COL9A2: variants seen among roughly 807,000 people sequenced by gnomAD.
COL9A2 encodes the protein collagen type IX alpha 2 chain.
Under a neutral mutation model 111.6 loss-of-function variants are expected in COL9A2, and 66 were observed. That is an observed-to-expected ratio of 0.59 (90% CI 0.48 to 0.73). COL9A2 has a LOEUF of 0.73. Among genes scored for constraint, COL9A2 ranks in the 30% least tolerant of loss-of-function variants. The pLI is 0.00. For missense variants in COL9A2, 881 were observed against 954.1 expected (o/e 0.92, Z 1.01); for synonymous variants, 353 against 364.1 (o/e 0.97, Z 0.35).
At position 40,311,355 on chromosome 1, in the gene COL9A2, G is replaced by A. The variant is rs1162795163; in HGVS notation, c.520-69C>T. Reference sequence around the variant, plus strand: ...GTGCGCCCCCATCTCTCCAAGCCCCGTGCTCTCCTCCGCCTCACCTGGTGG... The same window carrying A: ...GTGCGCCCCCATCTCTCCAAGCCCCATGCTCTCCTCCGCCTCACCTGGTGG... On this transcript the variant is annotated intron_variant, in intron 10 of 31. Transcript: ENST00000372748. The surrounding 1 kb of genome is among the most constrained non-coding windows in gnomAD (Gnocchi z 5.1). The A allele has an allele frequency of 6.9e-6, 11 of 1,584,696 alleles. No homozygotes were observed. Among genetic ancestry groups the A allele is most frequent in the Middle Eastern group, 1.7e-4 (1 of 5,796 alleles).
chr1:40,304,889 G>T lies in COL9A2; in HGVS notation c.1108-42C>A, dbSNP rs975293036. ...TTGGGGCTAAGCGTTTGACCTGGTG[G>T]AACCCACCCTTCCACACCTGGCCAG... On this transcript the variant is annotated intron_variant, in intron 21 of 31. Transcript: ENST00000372748. 8.5e-6 allele frequency: 13 copies of T among 1,530,544 alleles called. No individual in the cohort carries two copies. In the Admixed American group the frequency reaches 2.6e-4, roughly 30 times the overall value. 94.8% of individuals were successfully genotyped at this position (1,530,544 alleles called of 1,614,324 possible).
In COL9A2 at chr1:40,312,742, G is replaced by T; in HGVS notation, c.292C>A (p.Pro98Thr). ...AKGEPGPMGI[P>T]GVKGQPGLPG... ...AGCAGGCCCCTTACCTTGACTCCAG[G>T]GATCCCCATGGGGCCAGGCTCCCCC... Residue 98 changes from proline (P) to threonine (T), a missense_variant, in exon 5 of 32, where the codon CCT becomes ACT. By Grantham distance (38) the Pro-to-Thr change is conservative (BLOSUM62 -1). Coordinates refer to ENST00000372748, the MANE Select transcript of COL9A2 (RefSeq NM_001852.4). The surrounding 1 kb of genome is among the most constrained non-coding windows in gnomAD (Gnocchi z 6.0). 6.4e-7 allele frequency: 1 copy of T among 1,553,684 alleles called. No homozygotes were observed. The highest frequency in any genetic ancestry group is 2.4e-5 in the East Asian group (1 of 41,166).
chr1:40,303,709 G>A lies in COL9A2; in HGVS notation c.1402-33C>T. On this transcript the variant is annotated intron_variant, in intron 27 of 31. Transcript: ENST00000372748. This position sits in a 1 kb window ranked among gnomAD's most constrained non-coding sequence, Gnocchi z 4.6. ...GGGATGGGGGTGGGAGCAGAGCCGG[G>A]TGAGAAGGCGCCCGGGTGGGCGAGA... 1 of 1,546,882 alleles carries A rather than the reference G, an allele frequency of 6.5e-7. No homozygotes were observed. Among genetic ancestry groups the A allele is most frequent in the Non-Finnish European group, 8.7e-7 (1 of 1,145,328 alleles).
intron 1 of COL9A2, 53 bp from the exon 2 acceptor site, chr1:40,315,717 C>T: frequency 7.2e-7 from 1 of 1,379,754 alleles, no homozygotes; most frequent in South Asian, 1.3e-5. Flanking sequence ...GGAAGCTGGG[C>T]GTCCCCGGGG....
rs1322708706 is a variant in COL9A2, at chr1:40,303,130, C to T, written c.1603+1G>A. 5.0e-6 allele frequency: 8 copies of T among 1,612,400 alleles called. No individual in the cohort carries two copies. Among genetic ancestry groups the T allele is most frequent in the Non-Finnish European group, 6.8e-6 (8 of 1,179,488 alleles). On this transcript the variant is annotated splice_donor_variant, in intron 29 of 31. Transcript: ENST00000372748. LOFTEE classifies it high-confidence loss of function. This position sits in a 1 kb window ranked among gnomAD's most constrained non-coding sequence, Gnocchi z 4.6. ...TGTGAGGAGGGGTTGCTGCCCCTCA[C>T]CTTGCAGCATCTTCAGCGCCACATC...
In COL9A2 at chr1:40,303,257, G is replaced by A. The variant is rs1643944576; in HGVS notation, c.1549-72C>T. 5.5e-6 allele frequency: 8 copies of A among 1,450,964 alleles called. No homozygotes were observed. The South Asian group carries it at 8.4e-5, about 15-fold the overall frequency. 89.9% of individuals were successfully genotyped at this position (1,450,964 alleles called of 1,614,324 possible). On this transcript the variant is annotated intron_variant, in intron 28 of 31. Coordinates refer to ENST00000372748, the MANE Select transcript of COL9A2 (RefSeq NM_001852.4). The surrounding 1 kb of genome is among the most constrained non-coding windows in gnomAD (Gnocchi z 4.6). The stretch of plus-strand genomic sequence containing the variant: ...CACCGCTCCTATCCCACCTGGCTGA[G>A]CGTGAGGCCGCCATGGAGGAGACTC...
Position 40,314,891 on chromosome 1 carries a change from C to A in COL9A2, c.151-504G>T, listed in dbSNP as rs1467053485. 6.6e-6 allele frequency among the ~76,000 whole-genome samples: 1 copy of A among 152,134 alleles called. No homozygotes were observed. Among genetic ancestry groups the A allele is most frequent in the East Asian group, 1.9e-4 (1 of 5,178 alleles). On this transcript the variant is annotated intron_variant, in intron 2 of 31. Transcript: ENST00000372748. The surrounding 1 kb of genome is among the most constrained non-coding windows in gnomAD (Gnocchi z 4.1). ...TCAGTGTTCCCAAGGAGGGAAGGAC[C>A]TCCTTCCAGTGCCAAAGGACCCTTG... is the stretch of plus-strand genomic sequence containing the variant.
chr1:40,307,590 C>T lies in COL9A2; in HGVS notation c.955-91G>A. The T allele has an allele frequency of 6.3e-7, 1 of 1,588,394 alleles. No homozygotes were observed. Among genetic ancestry groups the T allele is most frequent in the Non-Finnish European group, 8.6e-7 (1 of 1,160,534 alleles). On this transcript the variant is annotated intron_variant, in intron 18 of 31. Transcript: ENST00000372748. The surrounding 1 kb of genome is among the most constrained non-coding windows in gnomAD (Gnocchi z 4.8). The stretch of plus-strand genomic sequence containing the variant: ...AGATGCAGGTAGGGAAACTGAGATC[C>T]AGAGGCAAGAAAGGGCATGTCCATG...
chr1:40,304,536 T>C lies in COL9A2; in HGVS notation c.1162-7A>G, dbSNP rs557381059. ...CCCTCTCGCCTTGGTCACCCTGAAA[T>C]GGAAAGAGAAGGTCACAACCTCAGC... On this transcript the variant is annotated splice_region_variant and splice_polypyrimidine_tract_variant and intron_variant, in intron 22 of 31. Transcript: ENST00000372748. 36 of 1,614,086 alleles carry C rather than the reference T, an allele frequency of 2.2e-5. No individual in the cohort carries two copies. The South Asian group carries it at 3.8e-4, about 17-fold the overall frequency.
chr1:40,310,366 A>G lies in COL9A2; in HGVS notation c.685-49T>C, dbSNP rs1291223358. Reference sequence around the variant, plus strand: ...CAATGGCAATTGCAAGGCCCACTTCATGATACCTTGTCTGATGCCCACCTT... The same window carrying G: ...CAATGGCAATTGCAAGGCCCACTTCGTGATACCTTGTCTGATGCCCACCTT... On this transcript the variant is annotated intron_variant, in intron 13 of 31. Transcript: ENST00000372748. The surrounding 1 kb of genome is among the most constrained non-coding windows in gnomAD (Gnocchi z 4.9). The G allele has an allele frequency of 6.3e-7, 1 of 1,581,714 alleles. No individual in the cohort carries two copies. The highest frequency in any genetic ancestry group is 1.1e-5 in the South Asian group (1 of 90,470).
At position 40,310,966 on chromosome 1, in the gene COL9A2, C is replaced by A; in HGVS notation, c.630+127G>T. On this transcript the variant is annotated intron_variant, in intron 12 of 31. Transcript: ENST00000372748. This position sits in a 1 kb window ranked among gnomAD's most constrained non-coding sequence, Gnocchi z 4.9. ...CATGCCGACCTGGAGCACAGGCCTCCAGCCCCCGGCTCAAGGCTCTGTCCC... is the reference window on the plus strand; with the variant it reads ...CATGCCGACCTGGAGCACAGGCCTCAAGCCCCCGGCTCAAGGCTCTGTCCC... 2.3e-6 allele frequency: 3 copies of A among 1,327,808 alleles called. No homozygotes were observed. In the South Asian group the frequency reaches 3.6e-5, roughly 16 times the overall value. 82.3% of individuals were successfully genotyped at this position (1,327,808 alleles called of 1,614,324 possible).
At chr1:40,308,276 C>T (rs1644062240) in intron 16 of COL9A2, 31 bp from the exon 17 acceptor site, 1 of 1,606,748 alleles carries the variant, frequency 6.2e-7, no homozygotes, top group Non-Finnish European at 8.5e-7. Context: ...AGGTCACCCT[C>T]AGGATGTTGG....
In COL9A2 at chr1:40,311,820, G is replaced by A. The variant is rs576759751; in HGVS notation, c.418-105C>T. 21 of 1,253,792 alleles carry A rather than the reference G, an allele frequency of 1.7e-5. No homozygotes were observed. Among genetic ancestry groups the A allele is most frequent in the African/African-American group, 4.4e-5 (3 of 67,878 alleles). 77.7% of individuals were successfully genotyped at this position (1,253,792 alleles called of 1,614,324 possible). A position where few individuals can be genotyped will look rare whatever the true frequency, so the allele number is the denominator to read the frequency against. The stretch of plus-strand genomic sequence containing the variant: ...TCTGCCCTCTCCACCCTGTCTTCCC[G>A]GTCACTTTGTGAGATCCACCATCTT... On this transcript the variant is annotated intron_variant, in intron 8 of 31. Transcript: ENST00000372748. The surrounding 1 kb of genome is among the most constrained non-coding windows in gnomAD (Gnocchi z 5.1).
rs371047792 is a variant in COL9A2 at position 40,303,879 on chromosome 1, C to T, written c.1369-40G>A. 6,484 of 1,549,552 alleles carry T rather than the reference C, an allele frequency of 4.2e-3. 20 individuals are homozygous for T. Among genetic ancestry groups the T allele is most frequent in the Non-Finnish European group, 4.7e-3 (5,429 of 1,146,830 alleles). ...AGCAGCGGTCACGAAGCCGCGGGGA[C>T]CCCGGGGCCAGCCGCCGCTCCCCGC... On this transcript the variant is annotated intron_variant, in intron 26 of 31. Transcript: ENST00000372748. The surrounding 1 kb of genome is among the most constrained non-coding windows in gnomAD (Gnocchi z 4.6).
intron 17 of COL9A2, 147 bp downstream of exon 17, chr1:40,308,045 C>T (rs1215604586): frequency 2.5e-6 from 2 of 812,560 alleles, no homozygotes; most frequent in Non-Finnish European, 4.1e-6. Flanking sequence ...AACTGAGGCA[C>T]AGAAAGGGAG....
rs915912798 is a variant in COL9A2, at chr1:40,316,976, AC to A, written c.75+146del. On this transcript the variant is annotated intron_variant, in intron 1 of 31. Coordinates refer to ENST00000372748, the MANE Select transcript of COL9A2 (RefSeq NM_001852.4). This position sits in a 1 kb window ranked among gnomAD's most constrained non-coding sequence, Gnocchi z 5.5. ...CGCGATGGGCACCATGTATGCACCCACCGAGGGGACCTGCCCGCGGCGCTGT... is the reference window on the plus strand; with the variant it reads ...CGCGATGGGCACCATGTATGCACCCACGAGGGGACCTGCCCGCGGCGCTGT... 2.5e-6 allele frequency: 2 copies of A among 792,338 alleles called. No homozygotes were observed. Among genetic ancestry groups the A allele is most frequent in the African/African-American group, 3.4e-5 (2 of 58,466 alleles). 49.1% of individuals were successfully genotyped at this position (792,338 alleles called of 1,614,324 possible). A position where few individuals can be genotyped will look rare whatever the true frequency, so the allele number is the denominator to read the frequency against.
Position 40,311,108 on chromosome 1 carries a change from G to A in COL9A2, c.615C>T (p.Gly205=), listed in dbSNP as rs765020647. Residue 205 remains glycine (G), a synonymous_variant, in exon 12 of 32, where the codon GGC becomes GGT. Coordinates refer to ENST00000372748, the MANE Select transcript of COL9A2 (RefSeq NM_001852.4). This position sits in a 1 kb window ranked among gnomAD's most constrained non-coding sequence, Gnocchi z 5.1. ...TTGCACTCACCGGCTTCCCCTGGTG[G>A]CCAGGATCACCCAGAATCCCGCGTT... ...AGKRGILGDP[G]HQGKPGPKGD... The A allele has an allele frequency of 6.2e-7, 1 of 1,614,122 alleles. No individual in the cohort carries two copies.
intron 22 of COL9A2, 99 bp downstream of exon 22, chr1:40,304,695 G>T (rs1030662156): frequency 7.2e-7 from 1 of 1,396,360 alleles, no homozygotes; most frequent in Non-Finnish European, 9.9e-7. Flanking sequence ...GGCCCTGCCT[G>T]GGGAGGCATC....
chr1:40,308,311 G>T, intron 16 of COL9A2, 66 bp from the exon 17 acceptor site: 1 of 1,525,506 alleles, frequency 6.6e-7, no homozygotes, highest in Non-Finnish European at 9.0e-7. Context: ...GTGCAGAGAG[G>T]GGAACCACTG....
Sources: gnomAD v4.1 joint callset for allele counts (sites outside exome capture counted in the v4.1 genomes callset) on GRCh38, gnomAD v4.1.1 for gene constraint, Gnocchi (gnomAD v3.1) non-coding constraint, MANE v1.5 for transcripts, NCBI Gene and HGNC (gene_info 2026-07-23, HGNC 2026-07-21) for gene names.